The following CDH13 variants were observed in gnomAD, a reference collection of about 807,000 sequenced individuals.
The protein encoded by CDH13 is cadherin-13.
CDH13 carries 24 observed loss-of-function variants against 63.8 expected under a neutral mutation model. The ratio of observed to expected loss-of-function variants is 0.38; its 90% CI spans 0.27 to 0.53. The LOEUF (loss-of-function observed/expected upper bound fraction) is 0.53. Ranked by LOEUF, CDH13 falls within the 20% of genes least tolerant of loss-of-function variation. The pLI, the probability that CDH13 is intolerant of heterozygous loss-of-function variation, is 0.85. For synonymous variants in CDH13, 503 were observed against 355.3 expected, an observed-to-expected ratio of 1.42 and a Z score of -4.67; for missense variants, 1,049 against 903.1, an observed-to-expected ratio of 1.16 and a Z score of -2.07.
At chr16:82,730,248 A>G (rs558376217) in intron 1 of CDH13, among the ~76,000 whole-genome samples, 2 of 152,322 alleles carry the variant, frequency 1.3e-5, no homozygotes, top group South Asian at 2.1e-4. Context: ...TTGGCTTTCA[A>G]CATACTTTCC....
chr16:82,740,457 TA>T (rs2033878798), intron 1 of CDH13, among the ~76,000 whole-genome samples: 2 of 152,192 alleles, frequency 1.3e-5, no homozygotes, highest in Admixed American at 6.5e-5. Context: ...TGTATCTAGA[TA>T]GGGGTGGAAT....
intron 1 of CDH13, among the ~76,000 whole-genome samples, chr16:82,656,417 T>A (rs1911302401): frequency 6.6e-6 from 1 of 152,100 alleles, no homozygotes; most frequent in Non-Finnish European, 1.5e-5. Flanking sequence ...AAGTAAACCT[T>A]ATTTTTTAGA....
At chr16:83,520,694 G>C (rs773784051) in intron 7 of CDH13, among the ~76,000 whole-genome samples, 3 of 152,084 alleles carry the variant, frequency 2.0e-5, no homozygotes, top group African/African-American at 4.8e-5. Context: ...AATTGTCCTG[G>C]AAGGGCTTAA....
At chr16:82,746,612 C>G (rs962734079) in intron 1 of CDH13, among the ~76,000 whole-genome samples, 9 of 151,812 alleles carry the variant, frequency 5.9e-5, no homozygotes, top group Non-Finnish European at 1.0e-4. Context: ...ATTTAAAAAA[C>G]CAAGAGGCAT....
chr16:82,768,973 T>C (rs1250488957), intron 1 of CDH13, among the ~76,000 whole-genome samples: 1 of 152,202 alleles, frequency 6.6e-6, no homozygotes, highest in Non-Finnish European at 1.5e-5. Context: ...ATAATCATTG[T>C]AATGGCATCT....
intron 6 of CDH13, among the ~76,000 whole-genome samples, chr16:83,469,365 G>T (rs1279600779): frequency 6.6e-6 from 1 of 152,200 alleles, no homozygotes; most frequent in Non-Finnish European, 1.5e-5. Context: ...TCCTGAGGAA[G>T]AAAATATTTC....
chr16:82,821,421 T>A (rs2037995731), intron 1 of CDH13, among the ~76,000 whole-genome samples: 1 of 152,204 alleles, frequency 6.6e-6, no homozygotes, highest in African/African-American at 2.4e-5. Context: ...CTATGCCCCT[T>A]GGTGAATTCA....
intron 10 of CDH13, among the ~76,000 whole-genome samples, chr16:83,685,537 C>T (rs550340425): frequency 6.6e-6 from 1 of 152,288 alleles, no homozygotes; most frequent in South Asian, 2.1e-4. Flanking sequence ...GTGCTAGGTG[C>T]TGTAAATTCA....
chr16:82,981,237 A>G (rs973395545), intron 2 of CDH13, among the ~76,000 whole-genome samples: 1 of 152,168 alleles, frequency 6.6e-6, no homozygotes, highest in Non-Finnish European at 1.5e-5. Context: ...AAACTAAATT[A>G]ATTATCAGCC....
intron 7 of CDH13, among the ~76,000 whole-genome samples, chr16:83,493,825 C>G (rs910887552): frequency 7.9e-5 from 12 of 152,328 alleles, no homozygotes; most frequent in Admixed American, 2.6e-4. Context: ...ATGAGTTAAG[C>G]TAAAGGAGAG....
intron 2 of CDH13, among the ~76,000 whole-genome samples, chr16:83,017,143 C>G (rs1187324117): frequency 6.6e-6 from 1 of 152,200 alleles, no homozygotes; most frequent in Non-Finnish European, 1.5e-5. Context: ...GTGTTCTTGA[C>G]TATCTTTAAT....
At chr16:83,070,352 G>A (rs116833961) in intron 3 of CDH13, among the ~76,000 whole-genome samples, 67 of 152,276 alleles carry the variant, frequency 4.4e-4, no homozygotes, top group Non-Finnish European at 8.5e-4. Context: ...AAGTACCAAG[G>A]AATTCATAAA....
chr16:83,204,030 G>A (rs1417050819), intron 4 of CDH13, among the ~76,000 whole-genome samples: 4 of 152,212 alleles, frequency 2.6e-5, no homozygotes, highest in Non-Finnish European at 5.9e-5. Flanking sequence ...TCTGGAAATC[G>A]AGACTTTGAA....
chr16:82,732,472 T>C (rs1049219019), intron 1 of CDH13, among the ~76,000 whole-genome samples: 2 of 152,216 alleles, frequency 1.3e-5, no homozygotes, highest in East Asian at 1.9e-4. Flanking sequence ...CATATTGTTA[T>C]TGACTGTCTC....
chr16:83,485,379 A>G (rs1294203698), intron 6 of CDH13, among the ~76,000 whole-genome samples: 1 of 152,190 alleles, frequency 6.6e-6, no homozygotes, highest in Non-Finnish European at 1.5e-5. Context: ...ATTATCTGAC[A>G]CCCTTATCAA....
intron 2 of CDH13, among the ~76,000 whole-genome samples, chr16:82,919,862 G>C (rs1055152933): frequency 1.3e-5 from 2 of 152,184 alleles, no homozygotes; most frequent in African/African-American, 4.8e-5. Context: ...AAATATGCTA[G>C]AAAACAAACA....
intron 7 of CDH13, among the ~76,000 whole-genome samples, chr16:83,531,986 C>T (rs983026751): frequency 6.6e-6 from 1 of 152,054 alleles, no homozygotes; most frequent in African/African-American, 2.4e-5. Context: ...TGGGAGGCAC[C>T]CGGTGGGAGG....
At chr16:83,164,129 C>G (rs1038756439) in intron 4 of CDH13, among the ~76,000 whole-genome samples, 4 of 151,628 alleles carry the variant, frequency 2.6e-5, no homozygotes, top group Admixed American at 2.6e-4. Context: ...TGTGCTTATC[C>G]AAACACTACA....
intron 2 of CDH13, among the ~76,000 whole-genome samples, chr16:82,861,219 C>G (rs1156501771): frequency 1.3e-5 from 2 of 152,186 alleles, no homozygotes; most frequent in Admixed American, 1.3e-4. Flanking sequence ...AGTGAGAAAA[C>G]TAGATTAGTA....
Sources: allele counts gnomAD v4.1 joint callset (sites outside exome capture counted in the v4.1 genomes callset), GRCh38; gene constraint gnomAD v4.1.1; transcripts MANE v1.5; gene names NCBI Gene and HGNC (gene_info 2026-07-23, HGNC 2026-07-21).